The following NAA11 variants were observed in gnomAD, a reference collection of about 807,000 sequenced individuals.
NAA11 encodes N-alpha-acetyltransferase 11.
NAA11 carries 15 observed loss-of-function variants against 16.1 expected under a neutral mutation model. That is an observed-to-expected ratio of 0.93 (90% CI 0.62 to 1.44). The LOEUF is 1.44. NAA11 is among the 40% of genes most tolerant of loss of function. NAA11 has a pLI of 0.00. For missense variants in NAA11, 298 were observed against 291.3 expected, an observed-to-expected ratio of 1.02 and a Z score of -0.17; for synonymous variants, 122 against 112.4, an observed-to-expected ratio of 1.09 and a Z score of -0.54.
chr4:79,187,940 A>G, the NAA11 span, among the ~76,000 whole-genome samples: 1 of 137,048 alleles, frequency 7.3e-6, no homozygotes, highest in Non-Finnish European at 1.5e-5. Flanking sequence ...CGGAGCTTGC[A>G]GTGAGCCGAG....
chr4:79,248,873 A>G (rs907059602), intron 2 of NAA11, among the ~76,000 whole-genome samples: 1 of 152,186 alleles, frequency 6.6e-6, no homozygotes, highest in African/African-American at 2.4e-5. Flanking sequence ...GCACTCCGCC[A>G]TGCTGCCACT....
In NAA11 at chr4:79,325,530, C is replaced by A. The variant is rs1724245282; in HGVS notation, c.348G>T (p.Arg116=). ...TGTTAGAATAAAGGTGCAAGGCTGG[C>A]CGGTTACTCTTCCTGACGTGCAGAG... ...YVSLHVRKSN[R]PALHLYSNTL... is the part of the protein sequence containing the mutation. Residue 116 remains arginine (R), a synonymous_variant, in exon 1 of 2, where the codon CGG becomes CGT. Coordinates refer to ENST00000286794, the MANE Select transcript of NAA11 (RefSeq NM_032693.3). 2 of 1,614,150 alleles carry A rather than the reference C, an allele frequency of 1.2e-6. No individual in the cohort carries two copies. Among genetic ancestry groups the A allele is most frequent in the African/African-American group, 2.7e-5 (2 of 75,058 alleles).
intron 2 of NAA11, among the ~76,000 whole-genome samples, chr4:79,268,156 G>C (rs980409967): frequency 1.3e-5 from 2 of 152,106 alleles, no homozygotes; most frequent in African/African-American, 2.4e-5. Context: ...TCTTTTTACT[G>C]TTTTGAAACT....
chr4:79,246,664 T>C (rs982992), intron 2 of NAA11, among the ~76,000 whole-genome samples: 134,158 of 152,230 alleles, frequency 0.88, 59,346 homozygotes, highest in East Asian at 1. Context: ...AGGCAGTTTA[T>C]AATAATATAC....
the NAA11 span, among the ~76,000 whole-genome samples, chr4:79,180,595 G>A: frequency 1.7e-4 from 26 of 152,290 alleles, no homozygotes; most frequent in African/African-American, 6.0e-4. Flanking sequence ...TGCTGGAGAG[G>A]ATGTGAAGAA....
the NAA11 span, among the ~76,000 whole-genome samples, chr4:79,157,957 G>T: frequency 2.7e-5 from 4 of 145,832 alleles, no homozygotes; most frequent in East Asian, 8.0e-4. Context: ...CTGGAGTACA[G>T]TGGCGTGATC....
intron 1 of NAA11, among the ~76,000 whole-genome samples, chr4:79,295,906 T>G (rs1486196509): frequency 6.6e-6 from 1 of 152,214 alleles, no homozygotes; most frequent in African/African-American, 2.4e-5. Flanking sequence ...GAGAGTTCTA[T>G]TCCTCTGAGA....
Position 79,325,209 on chromosome 4 carries a change from TTC to T in NAA11, c.667_668del (p.Glu223LysfsTer11), listed in dbSNP as rs1452978850. ...VESTNVQDSSESSDSTS is the reference protein window; with the variant it reads ...VESTNVQDSSXSSDSTS ...TGCTCTAGGAGGTGGAATCCGAGCT[TTC>T]TGAGCTGTCCTGGACGTTGGTGCTC... On this transcript the variant is annotated frameshift_variant, in exon 1 of 2. Transcript: ENST00000286794. LOFTEE classifies it high-confidence loss of function. 6.2e-7 allele frequency: 1 copy of T among 1,611,406 alleles called. No individual in the cohort carries two copies. Among genetic ancestry groups the T allele is most frequent in the African/African-American group, 1.3e-5 (1 of 74,856 alleles).
chr4:79,234,140 G>A (rs547479192), intron 2 of NAA11, among the ~76,000 whole-genome samples: 1 of 152,168 alleles, frequency 6.6e-6, no homozygotes, highest in Non-Finnish European at 1.5e-5. Context: ...AATAAAACAA[G>A]TCTTCATGTG....
At chr4:79,201,032 G>C in the NAA11 span, among the ~76,000 whole-genome samples, 1 of 151,506 alleles carries the variant, frequency 6.6e-6, no homozygotes, top group African/African-American at 2.4e-5. Context: ...CATATATAGC[G>C]TTTTATATTG....
chr4:79,310,174 A>G (rs1267053105), intron 1 of NAA11, among the ~76,000 whole-genome samples: 1 of 152,212 alleles, frequency 6.6e-6, no homozygotes, highest in Non-Finnish European at 1.5e-5. Context: ...TGGAGAAAAA[A>G]CTGGAAAGAC....
At chr4:79,218,440 A>G in the NAA11 span, among the ~76,000 whole-genome samples, 3 of 152,050 alleles carry the variant, frequency 2.0e-5, no homozygotes, top group Admixed American at 6.6e-5. Context: ...ATAAAATACT[A>G]AAAAGCTTTC....
intron 2 of NAA11, among the ~76,000 whole-genome samples, chr4:79,237,879 T>C (rs946884378): frequency 5.9e-5 from 9 of 152,230 alleles, no homozygotes; most frequent in African/African-American, 9.6e-5. Flanking sequence ...TTTCCGTAGA[T>C]CTGCAAATCA....
chr4:79,291,059 T>C (rs1723069647), intron 2 of NAA11, among the ~76,000 whole-genome samples: 1 of 152,210 alleles, frequency 6.6e-6, no homozygotes, highest in Admixed American at 6.5e-5. Context: ...ACAGTTTTAC[T>C]ACAAATGGGG....
the NAA11 span, among the ~76,000 whole-genome samples, chr4:79,200,762 C>G: frequency 1.3e-5 from 2 of 151,786 alleles, no homozygotes; most frequent in Non-Finnish European, 2.9e-5. Flanking sequence ...CCCTACCATG[C>G]TTTGCAAGCC....
At chr4:79,278,329 C>G (rs772427374) in intron 2 of NAA11, among the ~76,000 whole-genome samples, 18 of 152,088 alleles carry the variant, frequency 1.2e-4, no homozygotes, top group Non-Finnish European at 2.4e-4. Flanking sequence ...TTAAACACAT[C>G]TTATTATTCC....
chr4:79,220,197 A>G, the NAA11 span, among the ~76,000 whole-genome samples: 1 of 152,168 alleles, frequency 6.6e-6, no homozygotes, highest in African/African-American at 2.4e-5. Flanking sequence ...GGTTCAAGTG[A>G]TTCTCCTGCC....
rs1724230697 is a variant in NAA11 at position 79,325,318 on chromosome 4, T to C, written c.560A>G (p.Asp187Gly). 6.2e-7 allele frequency: 1 copy of C among 1,613,940 alleles called. No individual in the cohort carries two copies. Among genetic ancestry groups the C allele is most frequent in the African/African-American group, 1.3e-5 (1 of 75,044 alleles). ...NQETQGSTLS[D>G]SEEACQQKNP... Reference sequence around the variant, plus strand: ...CTTTTGCTGACAGGCCTCTTCAGAATCAGAAAGTGTGCTGCCCTGGGTCTC... The same window carrying C: ...CTTTTGCTGACAGGCCTCTTCAGAACCAGAAAGTGTGCTGCCCTGGGTCTC... Residue 187 changes from aspartate (D) to glycine (G), a missense_variant, in exon 1 of 2, where the codon GAT becomes GGT. Transcript: ENST00000286794.
chr4:79,268,312 A>G (rs1179847730), intron 2 of NAA11, among the ~76,000 whole-genome samples: 1 of 152,228 alleles, frequency 6.6e-6, no homozygotes, highest in Non-Finnish European at 1.5e-5. Flanking sequence ...TAAAGTTCAT[A>G]TCAAATATTG....
Sources: gnomAD v4.1 joint callset for allele counts (sites outside exome capture counted in the v4.1 genomes callset) on GRCh38, gnomAD v4.1.1 for gene constraint, MANE v1.5 for transcripts, NCBI Gene and HGNC (gene_info 2026-07-23, HGNC 2026-07-21) for gene names.